The following TSHZ2 variants were observed in gnomAD, a reference collection of about 807,000 sequenced individuals.
The protein encoded by TSHZ2 is teashirt homolog 2.
TSHZ2 carries 21 observed loss-of-function variants against 74.4 expected under a neutral mutation model. The observed-to-expected ratio is 0.28, with a 90% CI of 0.20 to 0.41. The LOEUF is 0.41. TSHZ2 is among the 10% of genes least tolerant of loss of function. The pLI is 1.00. For synonymous variants in TSHZ2, 540 were observed against 515.3 expected (o/e 1.05, Z -0.65); for missense variants, 1,244 against 1,293.5 (o/e 0.96, Z 0.59).
intron 1 of TSHZ2, among the ~76,000 whole-genome samples, chr20:53,208,154 A>G (rs2123601885): frequency 6.6e-6 from 1 of 152,324 alleles, no homozygotes; most frequent in African/African-American, 2.4e-5. Flanking sequence ...CATTCGCCCT[A>G]AGACCAATTT....
At position 53,472,456 on chromosome 20, in the gene TSHZ2, G is replaced by A. The variant is rs556846894; in HGVS notation, c.*9-14688G>A. ...GTGAAGAGGAATACAGAGGGGTACA[G>A]AATAAGGATTGGGGGTGCAAGCACC... is the stretch of plus-strand genomic sequence containing the variant. On this transcript the variant is annotated intron_variant, in intron 2 of 2. Transcript: ENST00000371497. Among the ~76,000 whole-genome samples the A allele has an allele frequency of 2.6e-5, 4 of 152,166 alleles. No homozygotes were observed. In the East Asian group the frequency reaches 5.8e-4, roughly 22 times the overall value.
intron 1 of TSHZ2, among the ~76,000 whole-genome samples, chr20:52,974,103 G>A (rs1981238461): frequency 6.6e-6 from 1 of 152,132 alleles, no homozygotes. Flanking sequence ...ACAGGTTAAT[G>A]GATCAGTACA....
At chr20:53,288,898 G>C (rs150364020) in intron 2 of TSHZ2, among the ~76,000 whole-genome samples, 47 of 152,254 alleles carry the variant, frequency 3.1e-4, no homozygotes, top group Non-Finnish European at 5.1e-4. Flanking sequence ...TGATTTCCAA[G>C]ATTTCAGTGC....
At chr20:53,090,376 A>G (rs1333280778) in intron 1 of TSHZ2, among the ~76,000 whole-genome samples, 2 of 152,178 alleles carry the variant, frequency 1.3e-5, no homozygotes, top group Admixed American at 1.3e-4. Flanking sequence ...TCGACACTCA[A>G]TATTAACTGT....
chr20:53,123,434 T>G (rs6013638), intron 1 of TSHZ2, among the ~76,000 whole-genome samples: 21,554 of 152,128 alleles, frequency 0.14, 4,187 homozygotes, highest in African/African-American at 0.44. Context: ...GGATTGACTA[T>G]CGGTTGGCTG....
At chr20:53,274,771 C>T (rs773356545) in intron 2 of TSHZ2, among the ~76,000 whole-genome samples, 1 of 152,196 alleles carries the variant, frequency 6.6e-6, no homozygotes, top group Non-Finnish European at 1.5e-5. Flanking sequence ...TTTCTTTCCT[C>T]GCTAGCGCTC....
chr20:53,415,851 C>T (rs368847418), intron 2 of TSHZ2, among the ~76,000 whole-genome samples: 3 of 142,744 alleles, frequency 2.1e-5, no homozygotes, highest in East Asian at 4.2e-4. Flanking sequence ...TGTTAGGAGA[C>T]GTAAGAGGAA....
chr20:53,469,165 G>A (rs926812080), intron 2 of TSHZ2, among the ~76,000 whole-genome samples: 1 of 147,566 alleles, frequency 6.8e-6, no homozygotes, highest in Non-Finnish European at 1.5e-5. Flanking sequence ...TCTAAACCTA[G>A]AGAGGTTTTT....
intron 1 of TSHZ2, among the ~76,000 whole-genome samples, chr20:53,023,775 T>A (rs1365188163): frequency 6.6e-6 from 1 of 152,170 alleles, no homozygotes; most frequent in Non-Finnish European, 1.5e-5. Context: ...ATCAAGGACA[T>A]TTTTCTTTCC....
At chr20:52,979,856 C>A (rs118174658) in intron 1 of TSHZ2, among the ~76,000 whole-genome samples, 1 of 152,090 alleles carries the variant, frequency 6.6e-6, no homozygotes, top group African/African-American at 2.4e-5. Context: ...AACAGGAAAA[C>A]GCACAATGCA....
intron 1 of TSHZ2, among the ~76,000 whole-genome samples, chr20:52,995,770 A>G (rs796269208): frequency 3.4e-5 from 5 of 145,374 alleles, no homozygotes; most frequent in African/African-American, 1.3e-4. Context: ...ACGCCTCCAT[A>G]CCTGGCTAAT....
intron 2 of TSHZ2, among the ~76,000 whole-genome samples, chr20:53,452,453 A>G (rs1445997752): frequency 6.6e-6 from 1 of 152,148 alleles, no homozygotes; most frequent in Non-Finnish European, 1.5e-5. Flanking sequence ...TACAAAAATT[A>G]GCTGGGCATG....
intron 2 of TSHZ2, among the ~76,000 whole-genome samples, chr20:53,442,112 C>T (rs1455885771): frequency 6.6e-6 from 1 of 152,030 alleles, no homozygotes; most frequent in Non-Finnish European, 1.5e-5. Context: ...GAGGAATGAG[C>T]AGGAATTTAG....
At chr20:53,307,530 C>T (rs932689253) in intron 2 of TSHZ2, among the ~76,000 whole-genome samples, 3 of 152,172 alleles carry the variant, frequency 2.0e-5, no homozygotes, top group Non-Finnish European at 2.9e-5. Context: ...CCTGGTCGCA[C>T]ATTAGTGTCA....
At chr20:53,041,102 C>G (rs372941738) in intron 1 of TSHZ2, among the ~76,000 whole-genome samples, 16 of 152,106 alleles carry the variant, frequency 1.1e-4, no homozygotes, top group African/African-American at 3.9e-4. Context: ...GTGGACTGAA[C>G]CTTTTGCATA....
intron 1 of TSHZ2, among the ~76,000 whole-genome samples, chr20:53,001,782 G>A (rs535898237): frequency 2.5e-4 from 38 of 152,178 alleles, no homozygotes; most frequent in Non-Finnish European, 4.7e-4. Flanking sequence ...TTAACGTTAC[G>A]TATGTCTTCC....
chr20:53,226,840 G>T lies in TSHZ2; in HGVS notation c.41-26659G>T, dbSNP rs535022240. 5.9e-5 allele frequency among the ~76,000 whole-genome samples: 9 copies of T among 152,118 alleles called. No individual in the cohort carries two copies. The South Asian group carries it at 1.9e-3, about 32-fold the overall frequency. ...AAAATGACTCCAGATATTGTGCCCT[G>T]GGAGGCAAAATCCCCCCGTTGAGAT... On this transcript the variant is annotated intron_variant, in intron 1 of 2. Coordinates refer to ENST00000371497, the MANE Select transcript of TSHZ2 (RefSeq NM_173485.6).
chr20:53,255,561 C>G lies in TSHZ2; in HGVS notation c.2103C>G (p.Val701=). 6.3e-7 allele frequency: 1 copy of G among 1,583,822 alleles called. No homozygotes were observed. The highest frequency in any genetic ancestry group is 8.6e-7 in the Non-Finnish European group (1 of 1,166,530). ...ACCCACTCAGCGCCCTGCAGTCCGT[C>G]CTGAACAATCACTTGGGCAAAGCCA... ...CINPLSALQS[V]LNNHLGKATE... is the part of the protein sequence containing the mutation. The change falls in exon 2 of 3, where the codon GTC becomes GTG. Residue 701 remains valine, a synonymous_variant. Transcript: ENST00000371497. The surrounding 1 kb of genome is among the most constrained non-coding windows in gnomAD (Gnocchi z 4.1).
At chr20:53,396,092 C>T (rs966988377) in intron 2 of TSHZ2, among the ~76,000 whole-genome samples, 4 of 151,940 alleles carry the variant, frequency 2.6e-5, no homozygotes, top group Admixed American at 6.6e-5. Flanking sequence ...CCTGCCACCA[C>T]GCCTGGCTAA....
Sources: allele counts gnomAD v4.1 joint callset (sites outside exome capture counted in the v4.1 genomes callset), GRCh38; gene constraint gnomAD v4.1.1; non-coding constraint Gnocchi (gnomAD v3.1); transcripts MANE v1.5; gene names NCBI Gene and HGNC (gene_info 2026-07-23, HGNC 2026-07-21).